The following ST14 variants were observed in gnomAD, a reference collection of about 807,000 sequenced individuals.
ST14 encodes the protein ST14 transmembrane serine protease matriptase.
Under a neutral mutation model 96.5 loss-of-function variants are expected in ST14, and 40 were observed. That is an observed-to-expected ratio of 0.41 (90% CI 0.32 to 0.54). The LOEUF is 0.54. ST14 is among the 20% of genes least tolerant of loss of function. The pLI, the probability that ST14 is intolerant of heterozygous loss-of-function variation, is 0.17. For synonymous variants in ST14, 506 were observed against 492.1 expected, an observed-to-expected ratio of 1.03 and a Z score of -0.37; for missense variants, 1,066 against 1,188.9, an observed-to-expected ratio of 0.90 and a Z score of 1.52.
intron 16 of ST14, among the ~76,000 whole-genome samples, chr11:130,205,071 T>A (rs886500743): frequency 4.6e-5 from 7 of 152,122 alleles, no homozygotes; most frequent in African/African-American, 1.7e-4. Context: ...TATTTTGAAA[T>A]TTTTCAAACC....
At chr11:130,176,861 T>A (rs909063027) in intron 1 of ST14, among the ~76,000 whole-genome samples, 5 of 142,258 alleles carry the variant, frequency 3.5e-5, no homozygotes, top group African/African-American at 1.3e-4. Flanking sequence ...TGCAGTGGCA[T>A]GATCTCGGTT....
Position 130,190,027 on chromosome 11 carries a change from G to C in ST14, c.599-86G>C, listed in dbSNP as rs992791427. The stretch of plus-strand genomic sequence containing the variant: ...CCAGAGAGAAGACTACGTGCTGGCC[G>C]GGCACCTCCCTTTAGATAATAAGGA... On this transcript the variant is annotated intron_variant, in intron 5 of 18. Coordinates refer to ENST00000278742, the MANE Select transcript of ST14 (RefSeq NM_021978.4). 6 of 1,610,690 alleles carry C rather than the reference G, an allele frequency of 3.7e-6. No homozygotes were observed. In the Admixed American group the frequency reaches 6.7e-5, roughly 18 times the overall value.
At chr11:130,199,389 G>A (rs1485325416) in intron 15 of ST14, among the ~76,000 whole-genome samples, 1 of 152,272 alleles carries the variant, frequency 6.6e-6, no homozygotes, top group African/African-American at 2.4e-5. Context: ...GGAGAAGAGC[G>A]GCCCAGCTCA....
chr11:130,174,863 C>T (rs1953122031), intron 1 of ST14, among the ~76,000 whole-genome samples: 1 of 152,216 alleles, frequency 6.6e-6, no homozygotes, highest in Non-Finnish European at 1.5e-5. Flanking sequence ...TAGCCCAGCC[C>T]AGACTTTTTT....
chr11:130,186,390 A>G (rs1254089446), intron 1 of ST14, among the ~76,000 whole-genome samples: 36 of 152,332 alleles, frequency 2.4e-4, no homozygotes, highest in Admixed American at 2.4e-3. Flanking sequence ...ATTAAGGAAA[A>G]TCCCAGGGCA....
At chr11:130,189,995 C>A in intron 5 of ST14, 99 bp downstream of exon 5, 1 of 1,609,404 alleles carries the variant, frequency 6.2e-7, no homozygotes, top group Non-Finnish European at 8.5e-7. Context: ...TCCCAGGGCC[C>A]AGTGCCCCAG....
chr11:130,200,885 G>A (rs1953420294), intron 16 of ST14, among the ~76,000 whole-genome samples: 2 of 152,170 alleles, frequency 1.3e-5, no homozygotes, highest in South Asian at 4.1e-4. Context: ...TCTCCGGTGA[G>A]TCTGCACTGT....
At chr11:130,196,169 A>T (rs1272956567) in intron 9 of ST14, among the ~76,000 whole-genome samples, 170 bp from the exon 10 acceptor site, 6 of 151,298 alleles carry the variant, frequency 4.0e-5, no homozygotes, top group African/African-American at 1.2e-4. Flanking sequence ...CAAAAAACAA[A>T]CAAACAAACA....
chr11:130,201,815 T>C (rs991651570), intron 16 of ST14, among the ~76,000 whole-genome samples: 1 of 152,240 alleles, frequency 6.6e-6, no homozygotes, highest in East Asian at 1.9e-4. Flanking sequence ...TAGGCTGAAG[T>C]GATCCTCCCA....
intron 16 of ST14, among the ~76,000 whole-genome samples, chr11:130,201,720 C>A (rs1459477458): frequency 6.6e-6 from 1 of 152,262 alleles, no homozygotes; most frequent in Non-Finnish European, 1.5e-5. Flanking sequence ...GCTGGGACTA[C>A]AGGCACATGC....
Position 130,188,301 on chromosome 11 carries a change from G to A in ST14, c.241+28G>A, listed in dbSNP as rs779561495. ...GAGTAAAGCTGGGGCTGGCTCCGGG[G>A]AGGACGACAAGGGGTGGCTGTCCCT... On this transcript the variant is annotated intron_variant, in intron 2 of 18. Transcript: ENST00000278742. This position sits in a 1 kb window ranked among gnomAD's most constrained non-coding sequence, Gnocchi z 5.4. The A allele has an allele frequency of 1.9e-6, 3 of 1,605,050 alleles. No individual in the cohort carries two copies. The South Asian group carries it at 3.3e-5, about 18-fold the overall frequency.
chr11:130,173,627 C>CA (rs1215779396), intron 1 of ST14, among the ~76,000 whole-genome samples: 3 of 150,800 alleles, frequency 2.0e-5, no homozygotes, highest in East Asian at 1.9e-4. Context: ...CACCCTCCAA[C>CA]AAAAAAAATG....
chr11:130,190,954 C>T (rs549618614), intron 7 of ST14, among the ~76,000 whole-genome samples: 52 of 152,208 alleles, frequency 3.4e-4, no homozygotes, highest in Non-Finnish European at 6.5e-4. Context: ...GCGGCCTGTG[C>T]CCTGAACCGC....
intron 16 of ST14, among the ~76,000 whole-genome samples, chr11:130,203,434 G>A (rs1476299902): frequency 1.3e-5 from 2 of 152,216 alleles, no homozygotes; most frequent in East Asian, 3.9e-4. Flanking sequence ...CAGGACTCTG[G>A]TCTGCACCAC....
chr11:130,194,210 C>G lies in ST14; in HGVS notation c.937C>G (p.Leu313Val). 6.2e-7 allele frequency: 1 copy of G among 1,614,242 alleles called. No individual in the cohort carries two copies. Among genetic ancestry groups the G allele is most frequent in the East Asian group, 2.2e-5 (1 of 44,878 alleles). The stretch of plus-strand genomic sequence containing the variant: ...CTTCCACTCCTCCCAGAACGTCCTG[C>G]TCATCACACTGATAACCAACACTGA... ...LTFHSSQNVL[L>V]ITLITNTERR... is the part of the protein sequence containing the mutation. The change falls in exon 8 of 19, where the codon CTC becomes GTC. Residue 313 changes from leucine to valine, a missense_variant. Coordinates refer to ENST00000278742, the MANE Select transcript of ST14 (RefSeq NM_021978.4).
At chr11:130,170,241 T>C (rs1953078732) in intron 1 of ST14, among the ~76,000 whole-genome samples, 2 of 152,024 alleles carry the variant, frequency 1.3e-5, no homozygotes, top group Non-Finnish European at 2.9e-5. Flanking sequence ...CCCTGAGGTG[T>C]GGACTGAGTA....
At chr11:130,208,066 T>A (rs1458707721) in intron 16 of ST14, among the ~76,000 whole-genome samples, 1 of 148,298 alleles carries the variant, frequency 6.7e-6, no homozygotes, top group African/African-American at 2.5e-5. Flanking sequence ...AGAGCGAGAC[T>A]CAGTCTCAAT....
At chr11:130,186,691 A>AT (rs965387083) in intron 1 of ST14, among the ~76,000 whole-genome samples, 2 of 152,124 alleles carry the variant, frequency 1.3e-5, no homozygotes, top group African/African-American at 4.8e-5. Context: ...TATGGATATA[A>AT]TTTTTTTTAA....
intron 16 of ST14, among the ~76,000 whole-genome samples, chr11:130,206,439 C>T (rs12271379): frequency 0.42 from 63,416 of 151,922 alleles, 13,951 homozygotes; most frequent in South Asian, 0.6. Context: ...GGCGTCTCAG[C>T]GTCCGTTGGT....
Sources: allele counts gnomAD v4.1 joint callset (sites outside exome capture counted in the v4.1 genomes callset), GRCh38; gene constraint gnomAD v4.1.1; non-coding constraint Gnocchi (gnomAD v3.1); transcripts MANE v1.5; gene names NCBI Gene and HGNC (gene_info 2026-07-23, HGNC 2026-07-21).